Variants in LRMDA observed in about 807,000 individuals in gnomAD.
LRMDA encodes leucine-rich melanocyte differentiation-associated protein.
In LRMDA, 18 loss-of-function variants were observed where a neutral mutation model predicts 29.8. That is an observed-to-expected ratio of 0.60 (90% CI 0.42 to 0.90). LRMDA has a LOEUF of 0.90. Among genes scored for constraint, LRMDA ranks in the 40% least tolerant of loss-of-function variants. The pLI is 0.00. For synonymous variants in LRMDA, 125 were observed against 109.4 expected, an observed-to-expected ratio of 1.14 and a Z score of -0.89; for missense variants, 273 against 273.9, an observed-to-expected ratio of 1.00 and a Z score of 0.02.
At chr10:75,796,175 T>G (rs1843649143) in intron 2 of LRMDA, among the ~76,000 whole-genome samples, 1 of 152,184 alleles carries the variant, frequency 6.6e-6, no homozygotes. Flanking sequence ...TTATGTATTT[T>G]TTTCTTGTTC....
rs74147202 is a variant in LRMDA at position 75,841,404 on chromosome 10, G to A, written c.132-194604G>A. Among the ~76,000 whole-genome samples the A allele has an allele frequency of 3.4e-3, 521 of 152,248 alleles. 1 individual carries two copies. The highest frequency in any genetic ancestry group is 0.012 in the African/African-American group (484 of 41,564). ...CCCTCAGGAAGAGCATATGCATGTC[G>A]ACTCAAGCCAGTCCTGGGAGCCTGA... On this transcript the variant is annotated intron_variant, in intron 2 of 6. Coordinates refer to ENST00000611255, the MANE Select transcript of LRMDA (RefSeq NM_001305581.2).
chr10:76,363,372 A>T (rs1841353017), intron 6 of LRMDA, among the ~76,000 whole-genome samples: 2 of 152,140 alleles, frequency 1.3e-5, no homozygotes, highest in South Asian at 4.1e-4. Flanking sequence ...AGGAAGAAGT[A>T]AAACTGTCTT....
intron 5 of LRMDA, among the ~76,000 whole-genome samples, chr10:76,094,798 T>A (rs1849288847): frequency 6.6e-6 from 1 of 152,150 alleles, no homozygotes; most frequent in Non-Finnish European, 1.5e-5. Context: ...TTAAAATCAT[T>A]CCATATTTTA....
chr10:76,442,981 T>C (rs577796444), intron 6 of LRMDA, among the ~76,000 whole-genome samples: 2 of 152,150 alleles, frequency 1.3e-5, no homozygotes, highest in Non-Finnish European at 2.9e-5. Context: ...AATTTTACGG[T>C]ATACAAAAAC....
intron 2 of LRMDA, among the ~76,000 whole-genome samples, chr10:75,729,566 G>A (rs979943083): frequency 1.3e-5 from 2 of 152,186 alleles, no homozygotes; most frequent in African/African-American, 2.4e-5. Flanking sequence ...AGAGAGTTTA[G>A]TTTCTTGGTG....
chr10:75,557,929 C>A (rs1275409596), intron 2 of LRMDA, among the ~76,000 whole-genome samples: 1 of 152,108 alleles, frequency 6.6e-6, no homozygotes, highest in Non-Finnish European at 1.5e-5. Context: ...GGAGGCCTGG[C>A]ATGAGTGACT....
intron 2 of LRMDA, among the ~76,000 whole-genome samples, chr10:75,561,975 T>A (rs1840302509): frequency 6.6e-6 from 1 of 152,050 alleles, no homozygotes; most frequent in Non-Finnish European, 1.5e-5. Context: ...TTGGAATAGG[T>A]GTGGTGTGGT....
chr10:75,978,838 A>T (rs1302790428), intron 2 of LRMDA, among the ~76,000 whole-genome samples: 1 of 152,220 alleles, frequency 6.6e-6, no homozygotes, highest in Non-Finnish European at 1.5e-5. Context: ...ATACAATGTT[A>T]TAATGTTTTT....
At chr10:75,921,439 G>A (rs1354239229) in intron 2 of LRMDA, among the ~76,000 whole-genome samples, 2 of 152,176 alleles carry the variant, frequency 1.3e-5, no homozygotes, top group Non-Finnish European at 2.9e-5. Context: ...TGGATGATGT[G>A]TAGGGCTAAT....
chr10:76,129,118 C>T (rs530200357), intron 5 of LRMDA, among the ~76,000 whole-genome samples: 27 of 152,316 alleles, frequency 1.8e-4, no homozygotes, highest in South Asian at 1.7e-3. Context: ...TATTCTCAAG[C>T]ATCATTCCAG....
At chr10:76,407,728 T>G (rs1286265701) in intron 6 of LRMDA, among the ~76,000 whole-genome samples, 1 of 152,216 alleles carries the variant, frequency 6.6e-6, no homozygotes, top group Non-Finnish European at 1.5e-5. Flanking sequence ...AGGTTATTTC[T>G]TTTGCATTAC....
At chr10:75,706,100 A>G (rs1842362811) in intron 2 of LRMDA, among the ~76,000 whole-genome samples, 1 of 152,136 alleles carries the variant, frequency 6.6e-6, no homozygotes, top group Non-Finnish European at 1.5e-5. Flanking sequence ...GAGATCATAC[A>G]CTTTTTGCCA....
At chr10:76,471,982 T>C (rs936583814) in intron 6 of LRMDA, among the ~76,000 whole-genome samples, 1 of 151,722 alleles carries the variant, frequency 6.6e-6, no homozygotes, top group African/African-American at 2.4e-5. Context: ...ATAATAGTTG[T>C]AGTGTTCAAT....
At chr10:76,240,334 G>A (rs917677051) in intron 5 of LRMDA, among the ~76,000 whole-genome samples, 48 of 150,192 alleles carry the variant, frequency 3.2e-4, no homozygotes, top group Admixed American at 6.0e-4. Flanking sequence ...CTCAGGAATG[G>A]AAAACCAAAC....
chr10:76,161,053 T>G (rs1850638073), intron 5 of LRMDA, among the ~76,000 whole-genome samples: 1 of 151,896 alleles, frequency 6.6e-6, no homozygotes. Context: ...GAGAAAAGAC[T>G]AAAAAATAAA....
At chr10:75,990,165 A>G (rs1164158269) in intron 2 of LRMDA, among the ~76,000 whole-genome samples, 1 of 152,204 alleles carries the variant, frequency 6.6e-6, no homozygotes, top group Admixed American at 6.5e-5. Context: ...GGGGAGAGGT[A>G]TCTGTTATCA....
chr10:76,017,079 G>T (rs987007260), intron 2 of LRMDA, among the ~76,000 whole-genome samples: 1 of 152,222 alleles, frequency 6.6e-6, no homozygotes, highest in Non-Finnish European at 1.5e-5. Context: ...CAGTTAAGAA[G>T]CGCTCATACT....
chr10:76,196,540 C>A (rs1851334567), intron 5 of LRMDA, among the ~76,000 whole-genome samples: 2 of 152,198 alleles, frequency 1.3e-5, no homozygotes, highest in Admixed American at 1.3e-4. Flanking sequence ...CCTTACACTG[C>A]TTTGCTCTGT....
At chr10:75,599,089 A>G (rs1840845589) in intron 2 of LRMDA, among the ~76,000 whole-genome samples, 1 of 152,264 alleles carries the variant, frequency 6.6e-6, no homozygotes, top group Non-Finnish European at 1.5e-5. Flanking sequence ...AGCAGTCAGC[A>G]CCAAGAGGTA....
Sources: allele counts gnomAD v4.1 joint callset (sites outside exome capture counted in the v4.1 genomes callset), GRCh38; gene constraint gnomAD v4.1.1; transcripts MANE v1.5; gene names NCBI Gene and HGNC (gene_info 2026-07-23, HGNC 2026-07-21).